NBEA: variants seen among roughly 807,000 people sequenced by gnomAD.
NBEA encodes neurobeachin.
NBEA carries 44 observed loss-of-function variants against 343.4 expected under a neutral mutation model. The ratio of observed to expected loss-of-function variants is 0.13; its 90% CI spans 0.10 to 0.16. The LOEUF (loss-of-function observed/expected upper bound fraction) is 0.16, where lower values mean the gene tolerates loss of function less well. NBEA is among the 10% of genes least tolerant of loss of function. The probability of loss-of-function intolerance (pLI) is 1.00; values close to 1 mark genes in which losing one functional copy is unlikely to be tolerated. For missense variants in NBEA, 2,555 were observed against 3,631.3 expected (o/e 0.70, Z 7.62); for synonymous variants, 1,175 against 1,238.7 (o/e 0.95, Z 1.08).
chr13:35,470,709 G>T (rs919255386), intron 40 of NBEA, among the ~76,000 whole-genome samples: 1 of 152,172 alleles, frequency 6.6e-6, no homozygotes. Context: ...TTAAGGGAGC[G>T]GTTCGAACCG....
At chr13:35,140,706 TAGAAG>T (rs2068039929) in intron 17 of NBEA, among the ~76,000 whole-genome samples, 1 of 152,148 alleles carries the variant, frequency 6.6e-6, no homozygotes, top group Non-Finnish European at 1.5e-5. Context: ...AGGCTAATGT[TAGAAG>T]AGACCTTTTG....
At chr13:35,489,650 C>T (rs1395141438) in intron 41 of NBEA, among the ~76,000 whole-genome samples, 1 of 151,780 alleles carries the variant, frequency 6.6e-6, no homozygotes, top group East Asian at 1.9e-4. Flanking sequence ...TAAAACTTTA[C>T]GTTACTTATT....
At chr13:35,182,725 CATTTTATCA>C (rs1423771038) in intron 29 of NBEA, among the ~76,000 whole-genome samples, 197 bp downstream of exon 29, 1 of 151,812 alleles carries the variant, frequency 6.6e-6, no homozygotes, top group Non-Finnish European at 1.5e-5. Flanking sequence ...GCTACATTCT[CATTTTATCA>C]GTATAGCTTT....
chr13:35,669,513 T>A (rs1032118129), intron 58 of NBEA, among the ~76,000 whole-genome samples: 1 of 152,228 alleles, frequency 6.6e-6, no homozygotes, highest in Admixed American at 6.5e-5. Flanking sequence ...AAAGGATGTT[T>A]GGTCTGCAGC....
chr13:35,506,052 A>G (rs1353109752), intron 41 of NBEA, among the ~76,000 whole-genome samples: 1 of 152,146 alleles, frequency 6.6e-6, no homozygotes, highest in East Asian at 1.9e-4. Flanking sequence ...AACTTCATCT[A>G]TTAAATTTAT....
At chr13:35,099,037 T>A (rs1318751937) in intron 11 of NBEA, among the ~76,000 whole-genome samples, 1 of 149,778 alleles carries the variant, frequency 6.7e-6, no homozygotes. Flanking sequence ...TTTTTTTTTT[T>A]TTTTTTGAGA....
At chr13:35,594,966 C>A (rs1310924278) in intron 47 of NBEA, among the ~76,000 whole-genome samples, 1 of 150,678 alleles carries the variant, frequency 6.6e-6, no homozygotes, top group Non-Finnish European at 1.5e-5. Flanking sequence ...CACACACACA[C>A]ACACACACAC....
intron 1 of NBEA, among the ~76,000 whole-genome samples, chr13:34,996,797 A>G (rs927623596): frequency 2.6e-5 from 4 of 152,112 alleles, no homozygotes; most frequent in Non-Finnish European, 5.9e-5. Context: ...TGATTAATGT[A>G]TGTATTATGT....
At chr13:35,229,290 C>G (rs1256572143) in intron 33 of NBEA, among the ~76,000 whole-genome samples, 2 of 152,114 alleles carry the variant, frequency 1.3e-5, no homozygotes, top group African/African-American at 4.8e-5. Context: ...CTTCAGTCTT[C>G]CAAAGCGCTG....
intron 1 of NBEA, among the ~76,000 whole-genome samples, chr13:35,031,103 A>G (rs938225775): frequency 3.3e-5 from 5 of 151,778 alleles, no homozygotes; most frequent in Admixed American, 6.6e-5. Context: ...TATACCCTTT[A>G]TTCTACAAAT....
intron 1 of NBEA, among the ~76,000 whole-genome samples, chr13:35,021,110 A>AT (rs1305415013): frequency 1.3e-5 from 2 of 150,938 alleles, no homozygotes; most frequent in South Asian, 4.2e-4. Context: ...TTTAGCTCTC[A>AT]TTTTTTTGGA....
At chr13:35,244,446 G>T (rs576306866) in intron 34 of NBEA, among the ~76,000 whole-genome samples, 1 of 151,882 alleles carries the variant, frequency 6.6e-6, no homozygotes, top group Non-Finnish European at 1.5e-5. Flanking sequence ...TCCTTTCTGG[G>T]TTCTCTATTC....
intron 31 of NBEA, among the ~76,000 whole-genome samples, chr13:35,199,822 T>C (rs2072890299): frequency 6.6e-6 from 1 of 152,138 alleles, no homozygotes; most frequent in Admixed American, 6.5e-5. Flanking sequence ...CTATTACATA[T>C]TTCATCAGAT....
At chr13:34,953,713 C>T (rs1207841397) in intron 1 of NBEA, among the ~76,000 whole-genome samples, 1 of 152,140 alleles carries the variant, frequency 6.6e-6, no homozygotes, top group Non-Finnish European at 1.5e-5. Flanking sequence ...TGGTTGCATC[C>T]ATACTAAACA....
At chr13:35,427,977 T>C (rs1191057037) in intron 38 of NBEA, among the ~76,000 whole-genome samples, 1 of 152,138 alleles carries the variant, frequency 6.6e-6, no homozygotes, top group African/African-American at 2.4e-5. Flanking sequence ...TTCAAGCCCA[T>C]TGGGAAAGCG....
intron 21 of NBEA, among the ~76,000 whole-genome samples, chr13:35,157,964 G>T (rs2069292498): frequency 6.6e-6 from 1 of 152,112 alleles, no homozygotes; most frequent in Admixed American, 6.6e-5. Context: ...AGAAAAAAAT[G>T]TTTAAAAGGA....
chr13:35,318,364 G>A (rs1276758166), intron 36 of NBEA, among the ~76,000 whole-genome samples: 1 of 152,072 alleles, frequency 6.6e-6, no homozygotes, highest in Non-Finnish European at 1.5e-5. Context: ...ATAATCATGT[G>A]GTTTTTGTCA....
chr13:35,204,105 C>T (rs933722993), intron 31 of NBEA, among the ~76,000 whole-genome samples: 1 of 152,136 alleles, frequency 6.6e-6, no homozygotes, highest in African/African-American at 2.4e-5. Flanking sequence ...TTTACAGCTG[C>T]TCCTCATTGC....
At chr13:35,033,589 T>C (rs2062323982) in intron 1 of NBEA, among the ~76,000 whole-genome samples, 1 of 151,950 alleles carries the variant, frequency 6.6e-6, no homozygotes, top group Admixed American at 6.6e-5. Flanking sequence ...TATAGATTGC[T>C]TTGGATAGTG....
Sources: gnomAD v4.1 joint callset for allele counts (sites outside exome capture counted in the v4.1 genomes callset) on GRCh38, gnomAD v4.1.1 for gene constraint, MANE v1.5 for transcripts, NCBI Gene and HGNC (gene_info 2026-07-23, HGNC 2026-07-21) for gene names.